Variants in COL5A2 observed in about 807,000 individuals in gnomAD.
COL5A2 encodes collagen alpha-2(V) chain.
A neutral mutation model predicts 208.2 loss-of-function variants in COL5A2; 23 were observed. That is an observed-to-expected ratio of 0.11 (90% CI 0.08 to 0.16). The LOEUF (loss-of-function observed/expected upper bound fraction) is 0.16. Ranked by LOEUF, COL5A2 falls within the 10% of genes least tolerant of loss-of-function variation. COL5A2 has a pLI of 1.00. For missense variants in COL5A2, 1,590 were observed against 1,956.4 expected (o/e 0.81, Z 3.53); for synonymous variants, 625 against 628.5 (o/e 0.99, Z 0.08).
At chr2:189,337,554 A>C in the COL5A2 span, among the ~76,000 whole-genome samples, 1 of 152,228 alleles carries the variant, frequency 6.6e-6, no homozygotes, top group South Asian at 2.1e-4. Flanking sequence ...TTGTGGGATT[A>C]ATCCAAACCA....
chr2:189,157,761 T>A (rs914728495), intron 1 of COL5A2, among the ~76,000 whole-genome samples: 1 of 152,070 alleles, frequency 6.6e-6, no homozygotes, highest in African/African-American at 2.4e-5. Flanking sequence ...TTCTATTTCC[T>A]CTGGTATGTC....
chr2:189,181,504 T>TG (rs753639957), upstream of COL5A2, among the ~76,000 whole-genome samples: 3 of 152,066 alleles, frequency 2.0e-5, no homozygotes, highest in African/African-American at 4.8e-5. Context: ...TAAGTAAATG[T>TG]GGGGGGGAGG....
chr2:189,277,559 A>G, the COL5A2 span, among the ~76,000 whole-genome samples: 1 of 152,140 alleles, frequency 6.6e-6, no homozygotes, highest in South Asian at 2.1e-4. Flanking sequence ...CAGGGGATGC[A>G]GGAGTCTTTT....
At chr2:189,295,317 T>A in the COL5A2 span, among the ~76,000 whole-genome samples, 1 of 152,118 alleles carries the variant, frequency 6.6e-6, no homozygotes, top group Admixed American at 6.6e-5. Flanking sequence ...TACTAAAGAT[T>A]CCCTGGCTGG....
At chr2:189,389,785 C>T in the COL5A2 span, among the ~76,000 whole-genome samples, 7 of 152,148 alleles carry the variant, frequency 4.6e-5, no homozygotes, top group African/African-American at 7.2e-5. Flanking sequence ...GAAACAAATG[C>T]TATTCCAATA....
chr2:189,145,123 T>C (rs1264925539), intron 1 of COL5A2, among the ~76,000 whole-genome samples: 1 of 152,180 alleles, frequency 6.6e-6, no homozygotes, highest in Admixed American at 6.6e-5. Flanking sequence ...AGTGTTTCCA[T>C]GTTTGTATAA....
At chr2:189,117,616 T>C (rs1687418395) in intron 1 of COL5A2, among the ~76,000 whole-genome samples, 1 of 152,094 alleles carries the variant, frequency 6.6e-6, no homozygotes, top group African/African-American at 2.4e-5. Flanking sequence ...CCAGATTTCC[T>C]TCATCTCCTT....
At chr2:189,307,886 C>T in the COL5A2 span, among the ~76,000 whole-genome samples, 2 of 152,270 alleles carry the variant, frequency 1.3e-5, no homozygotes, top group African/African-American at 4.8e-5. Flanking sequence ...TTATCCTGTA[C>T]ATAAACAAGC....
rs1464420750 is a variant in COL5A2, at chr2:189,139,425, C to A, written c.98-28976G>T. Among the ~76,000 whole-genome samples, 6 of 152,050 alleles carry A rather than the reference C, an allele frequency of 3.9e-5. No individual in the cohort carries two copies. In the East Asian group the frequency reaches 1.2e-3, roughly 29 times the overall value. On this transcript the variant is annotated intron_variant, in intron 1 of 53. Coordinates refer to ENST00000374866, the MANE Select transcript of COL5A2 (RefSeq NM_000393.5). ...AATCATACACATCCTAATTGAGGGA[C>A]ATGGTACAAAATATCAGGCCAGTAC...
At chr2:189,291,638 A>G in the COL5A2 span, among the ~76,000 whole-genome samples, 4 of 152,136 alleles carry the variant, frequency 2.6e-5, no homozygotes, top group Non-Finnish European at 5.9e-5. Flanking sequence ...ACCATACAAC[A>G]TGGTGGTTAT....
At chr2:189,155,851 C>A (rs1017318554) in intron 1 of COL5A2, among the ~76,000 whole-genome samples, 6 of 152,096 alleles carry the variant, frequency 3.9e-5, no homozygotes, top group Admixed American at 3.9e-4. Flanking sequence ...CAGGGCTGCA[C>A]CCCTTCTGGA....
chr2:189,424,797 A>G, the COL5A2 span, among the ~76,000 whole-genome samples: 10 of 152,330 alleles, frequency 6.6e-5, no homozygotes, highest in Non-Finnish European at 8.8e-5. Context: ...CTTTACATAA[A>G]GAGAAAAAAC....
chr2:189,311,459 G>T, the COL5A2 span: 1 of 1,096,156 alleles, frequency 9.1e-7, no homozygotes, highest in Non-Finnish European at 1.4e-6. Context: ...GTTCAGCAGG[G>T]CCTCCTATTC....
chr2:189,414,472 T>C, the COL5A2 span, among the ~76,000 whole-genome samples: 1 of 152,058 alleles, frequency 6.6e-6, no homozygotes, highest in South Asian at 2.1e-4. Flanking sequence ...GTTTCCCTTC[T>C]AAGCTGGGCG....
At chr2:189,417,957 C>T in the COL5A2 span, among the ~76,000 whole-genome samples, 1 of 152,044 alleles carries the variant, frequency 6.6e-6, no homozygotes, top group Non-Finnish European at 1.5e-5. Context: ...GATACCTCTT[C>T]AACATACTGA....
At chr2:189,040,765 GA>G (rs1229625241) in intron 50 of COL5A2, among the ~76,000 whole-genome samples, 2 of 152,068 alleles carry the variant, frequency 1.3e-5, no homozygotes, top group African/African-American at 4.8e-5. Flanking sequence ...AAGGCCCACT[GA>G]ATCACAAAGT....
intron 1 of COL5A2, among the ~76,000 whole-genome samples, chr2:189,200,767 G>A (rs1180830923): frequency 6.6e-6 from 1 of 150,972 alleles, no homozygotes; most frequent in Admixed American, 6.6e-5. Flanking sequence ...AGAATTACAT[G>A]AAATTTCTTA....
intron 1 of COL5A2, among the ~76,000 whole-genome samples, chr2:189,175,588 G>A (rs1457241602): frequency 7.1e-6 from 1 of 140,600 alleles, no homozygotes; most frequent in Non-Finnish European, 1.5e-5. Context: ...CTGTCACCCA[G>A]ACTGGAGTGC....
At chr2:189,416,511 T>C in the COL5A2 span, among the ~76,000 whole-genome samples, 3 of 151,708 alleles carry the variant, frequency 2.0e-5, no homozygotes, top group Admixed American at 6.6e-5. Context: ...AATGGAACAA[T>C]GAGAACACAT....
Sources: allele counts gnomAD v4.1 joint callset (sites outside exome capture counted in the v4.1 genomes callset), GRCh38; gene constraint gnomAD v4.1.1; transcripts MANE v1.5; gene names NCBI Gene and HGNC (gene_info 2026-07-23, HGNC 2026-07-21).